Variants in PPP2R1B observed in about 807,000 individuals in gnomAD.
PPP2R1B encodes the protein serine/threonine-protein phosphatase 2A 65 kDa regulatory subunit A beta isoform.
PPP2R1B carries 58 observed loss-of-function variants against 72.7 expected under a neutral mutation model. The observed-to-expected ratio is 0.80, with a 90% confidence interval of 0.65 to 0.99. The LOEUF (loss-of-function observed/expected upper bound fraction) is 0.99. Ranked by LOEUF, PPP2R1B falls within the 50% of genes least tolerant of loss-of-function variation. The pLI, the probability that PPP2R1B is intolerant of heterozygous loss-of-function variation, is 0.00. For synonymous variants in PPP2R1B, 256 were observed against 264.6 expected (o/e 0.97, Z 0.32); for missense variants, 695 against 733.6 (o/e 0.95, Z 0.61).
At chr11:111,714,937 G>A in the PPP2R1B span, among the ~76,000 whole-genome samples, 1 of 152,192 alleles carries the variant, frequency 6.6e-6, no homozygotes, top group African/African-American at 2.4e-5. Flanking sequence ...TCCCTCAAAA[G>A]AATTAAAATG....
intron 5 of PPP2R1B, among the ~76,000 whole-genome samples, chr11:111,756,569 A>G (rs1945128107): frequency 6.6e-6 from 1 of 152,252 alleles, no homozygotes; most frequent in Non-Finnish European, 1.5e-5. Flanking sequence ...TCGCAGTAAC[A>G]GGAGTGTAGG....
At chr11:111,703,270 C>T in the PPP2R1B span, 4 of 1,614,050 alleles carry the variant, frequency 2.5e-6, no homozygotes, top group African/African-American at 5.3e-5. Context: ...TAGCCCAAAT[C>T]AAGGAGCATA....
At chr11:111,721,503 T>C in the PPP2R1B span, among the ~76,000 whole-genome samples, 1 of 152,254 alleles carries the variant, frequency 6.6e-6, no homozygotes, top group East Asian at 1.9e-4. Flanking sequence ...TAAATACTGC[T>C]ACTTACCTGA....
chr11:111,690,897 G>A, the PPP2R1B span, among the ~76,000 whole-genome samples: 12 of 152,096 alleles, frequency 7.9e-5, no homozygotes, highest in African/African-American at 2.7e-4. Context: ...CTTTGCTATT[G>A]TAAATAGTGC....
At chr11:111,688,762 A>G in the PPP2R1B span, among the ~76,000 whole-genome samples, 1 of 152,194 alleles carries the variant, frequency 6.6e-6, no homozygotes, top group Non-Finnish European at 1.5e-5. This position sits in a 1 kb window ranked among gnomAD's most constrained non-coding sequence, Gnocchi z 4.2. Flanking sequence ...CAAAACTCTC[A>G]TTCACTCAAT....
At chr11:111,728,810 G>A (rs1445449352) in intron 15 of PPP2R1B, 1 of 151,958 alleles carries the variant, frequency 6.6e-6, no homozygotes, top group Non-Finnish European at 1.5e-5. Context: ...TGTAGTTCCA[G>A]CTACTCGGGA....
intron 14 of PPP2R1B, 56 bp from the exon 15 acceptor site, chr11:111,741,668 A>T: frequency 6.4e-7 from 1 of 1,558,888 alleles, no homozygotes; most frequent in Non-Finnish European, 8.8e-7. Context: ...CGAACGATCT[A>T]TGTGAATATT....
intron 2 of PPP2R1B, 52 bp from the exon 3 acceptor site, chr11:111,764,957 G>A (rs1555052576): frequency 6.3e-7 from 1 of 1,597,078 alleles, no homozygotes; most frequent in East Asian, 2.3e-5. Context: ...TCCCACAGCT[G>A]GACACTGACA....
downstream of PPP2R1B, among the ~76,000 whole-genome samples, chr11:111,734,151 G>A (rs1245761045): frequency 6.6e-6 from 1 of 152,182 alleles, no homozygotes; most frequent in African/African-American, 2.4e-5. Flanking sequence ...CCACTCCCCT[G>A]GAGGGCTGTC....
intron 1 of PPP2R1B, chr11:111,765,869 T>C: frequency 2.1e-6 from 1 of 486,364 alleles, no homozygotes; most frequent in Non-Finnish European, 4.0e-6. Context: ...CTGGGCATCC[T>C]GCGCCCCTCA....
the PPP2R1B span, chr11:111,720,327 A>C: frequency 1.2e-6 from 1 of 833,202 alleles, no homozygotes; most frequent in African/African-American, 1.7e-5. Flanking sequence ...GAAGATGACT[A>C]AATTGGCCAG....
At chr11:111,729,138 T>A (rs1944094665) in intron 15 of PPP2R1B, 1 of 152,270 alleles carries the variant, frequency 6.6e-6, no homozygotes, top group Non-Finnish European at 1.5e-5. Context: ...ATTCTTATTT[T>A]ACCATTTTTG....
the PPP2R1B span, among the ~76,000 whole-genome samples, chr11:111,691,323 T>G: frequency 1.3e-5 from 2 of 152,228 alleles, no homozygotes; most frequent in African/African-American, 4.8e-5. Context: ...ATGACTCACA[T>G]TTAATTGGGC....
In PPP2R1B at chr11:111,738,037, G is replaced by GCTCGT. The variant is rs1944390571; in HGVS notation, c.*3558_*3559insACGAG. 9.9e-7 allele frequency: 1 copy of GCTCGT among 1,009,718 alleles called. No individual in the cohort carries two copies. The highest frequency in any genetic ancestry group is 1.2e-6 in the Non-Finnish European group (1 of 843,222). The allele number at this position is 1,009,718 out of a possible 1,614,324, so 62.5% of individuals were successfully genotyped here. A position where few individuals can be genotyped will look rare whatever the true frequency, so the allele number is the denominator to read the frequency against. On this transcript the variant is annotated 3_prime_UTR_variant, in exon 15 of 15. Transcript: ENST00000527614. ...AAACAGCAGGCTCGTGGAGGCAAAC[G>GCTCGT]GGGGACAGTGAGACTATTCTAGGTA...
chr11:111,739,212 C>T lies in PPP2R1B; in HGVS notation c.*2384G>A. 1.5e-5 allele frequency: 15 copies of T among 979,660 alleles called. No homozygotes were observed. Among genetic ancestry groups the T allele is most frequent in the Non-Finnish European group, 1.7e-5 (14 of 824,790 alleles). The allele number at this position is 979,660 out of a possible 1,614,324, so 60.7% of individuals were successfully genotyped here. On this transcript the variant is annotated 3_prime_UTR_variant, in exon 15 of 15. Transcript: ENST00000527614. Reference sequence around the variant, plus strand: ...ATTTTTATTGAGCACCTATTATGTGCACCAGACACTGTTCCAGGCACTGGC... The same window carrying T: ...ATTTTTATTGAGCACCTATTATGTGTACCAGACACTGTTCCAGGCACTGGC...
At chr11:111,706,688 G>A in the PPP2R1B span, among the ~76,000 whole-genome samples, 5 of 152,094 alleles carry the variant, frequency 3.3e-5, no homozygotes, top group Non-Finnish European at 7.4e-5. Context: ...TTGGCTGGGC[G>A]TGGTGGCTCA....
chr11:111,718,886 AC>A, the PPP2R1B span: 1 of 152,258 alleles, frequency 6.6e-6, no homozygotes, highest in Non-Finnish European at 1.5e-5. Flanking sequence ...TTACCTCCTC[AC>A]AGGGGCCTTT....
rs1944387898 is a variant in PPP2R1B, at chr11:111,737,963, C to G, written c.*3633G>C. 7.8e-6 allele frequency: 8 copies of G among 1,020,778 alleles called. No homozygotes were observed. The South Asian group carries it at 3.3e-4, about 42-fold the overall frequency. The allele number at this position is 1,020,778 out of a possible 1,614,324, so 63.2% of individuals were successfully genotyped here. ...ACGCAATGAGTAATTAAACTCTATT[C>G]GTCCTCCGGAAGATTTCCATCCCAA... is the stretch of plus-strand genomic sequence containing the variant. On this transcript the variant is annotated 3_prime_UTR_variant, in exon 15 of 15. Transcript: ENST00000527614.
At chr11:111,727,204 T>C in intron 15 of PPP2R1B, 3 of 671,164 alleles carry the variant, frequency 4.5e-6, no homozygotes, top group Admixed American at 2.4e-5. Context: ...GATGGTTCTC[T>C]ACACCATCCA....
Sources: allele counts gnomAD v4.1 joint callset (sites outside exome capture counted in the v4.1 genomes callset), GRCh38; gene constraint gnomAD v4.1.1; non-coding constraint Gnocchi (gnomAD v3.1); transcripts MANE v1.5; gene names NCBI Gene and HGNC (gene_info 2026-07-23, HGNC 2026-07-21).